Variants in ATP13A3 observed in about 807,000 individuals in gnomAD.
ATP13A3 encodes ATPase 13A3.
Under a neutral mutation model 158.1 loss-of-function variants are expected in ATP13A3, and 59 were observed. The ratio of observed to expected loss-of-function variants is 0.37; its 90% CI spans 0.30 to 0.46. The LOEUF (loss-of-function observed/expected upper bound fraction) is 0.46. Among genes scored for constraint, ATP13A3 ranks in the 20% least tolerant of loss-of-function variants. The pLI, the probability that ATP13A3 is intolerant of heterozygous loss-of-function variation, is 1.00. For missense variants in ATP13A3, 1,166 were observed against 1,525.2 expected (o/e 0.76, Z 3.92); for synonymous variants, 491 against 504.3 (o/e 0.97, Z 0.35).
intron 8 of ATP13A3, 34 bp downstream of exon 8, chr3:194,455,859 T>A: frequency 7.7e-7 from 1 of 1,292,740 alleles, no homozygotes; most frequent in Non-Finnish European, 1.1e-6. Flanking sequence ...CCATTGATCA[T>A]GACTGTTAAG....
Position 194,427,104 on chromosome 3 carries a change from A to C in ATP13A3, c.3096T>G (p.Pro1032=). The change falls in exon 29 of 34, where the codon CCT becomes CCG. Residue 1032 remains proline, a synonymous_variant. Coordinates refer to ENST00000645319, the MANE Select transcript of ATP13A3 (RefSeq NM_001367549.1). ...SLGFFWVKQQ[P]WYEVWHPKSD... ...ATTTTGGATGCCACACTTCATACCA[A>C]GGTTGCTGTTTGACCCAAAAAAAAC... 6.2e-7 allele frequency: 1 copy of C among 1,613,410 alleles called. No homozygotes were observed. Among genetic ancestry groups the C allele is most frequent in the Non-Finnish European group, 8.5e-7 (1 of 1,179,904 alleles).
chr3:194,461,074 C>T (rs921652051), intron 3 of ATP13A3, among the ~76,000 whole-genome samples: 2 of 152,090 alleles, frequency 1.3e-5, no homozygotes, highest in Non-Finnish European at 2.9e-5. Context: ...ATGCCTAATA[C>T]GTTCTTTCCC....
At chr3:194,449,891 T>A (rs13080513) in intron 11 of ATP13A3, among the ~76,000 whole-genome samples, 31,869 of 151,752 alleles carry the variant, frequency 0.21, 3,707 homozygotes, top group African/African-American at 0.31. Context: ...TTCCCTAACC[T>A]TAAACCATTT....
At chr3:194,466,825 A>C (rs1351696416) in intron 2 of ATP13A3, among the ~76,000 whole-genome samples, 1 of 152,220 alleles carries the variant, frequency 6.6e-6, no homozygotes, top group Non-Finnish European at 1.5e-5. Context: ...ATCACTAAAA[A>C]AATAAAAATA....
intron 31 of ATP13A3, among the ~76,000 whole-genome samples, chr3:194,418,122 T>C (rs901229897): frequency 6.6e-6 from 1 of 151,940 alleles, no homozygotes; most frequent in African/African-American, 2.4e-5. Context: ...CAATAAGCAA[T>C]TGCTGAAACA....
Position 194,428,870 on chromosome 3 carries a change from T to C in ATP13A3, c.2922A>G (p.Ala974=). Reference sequence around the variant, plus strand: ...TTGTAAATACCACTACCAAAATGATTGCCAGATCAATGAAGAGAAACTGGA... The same window carrying C: ...TTGTAAATACCACTACCAAAATGATCGCCAGATCAATGAAGAGAAACTGGA... The part of the protein sequence containing the change: ...GDFQFLFIDL[A]IILVVVFTMS... The change falls in exon 28 of 34, where the codon GCA becomes GCG. Residue 974 remains alanine (A), a synonymous_variant. Transcript: ENST00000645319. 1 of 1,598,878 alleles carries C rather than the reference T, an allele frequency of 6.3e-7. No individual in the cohort carries two copies. The highest frequency in any genetic ancestry group is 8.6e-7 in the Non-Finnish European group (1 of 1,168,520).
rs1382035471 is a variant in ATP13A3 at position 194,459,889 on chromosome 3, G to C, written c.308C>G (p.Ser103Cys). The C allele has an allele frequency of 4.3e-6, 7 of 1,613,198 alleles. No individual in the cohort carries two copies. The African/African-American group carries it at 9.3e-5, about 22-fold the overall frequency. ...TYPVSSPKSM[S>C]NKLSNGHAVC... ...TGCATGGCCATTTGAAAGCTTATTA[G>C]ACATAGATTTTGGACTTGAAACTGG... The change falls in exon 5 of 34, where the codon TCT becomes TGT. Residue 103 changes from serine to cysteine, a missense_variant. This residue lies in a region of ATP13A3 where 104 missense variants were observed against 91.7 expected (regional missense o/e 1.13). Coordinates refer to ENST00000645319, the MANE Select transcript of ATP13A3 (RefSeq NM_001367549.1).
At chr3:194,489,506 C>T (rs1721120984), upstream of ATP13A3, among the ~76,000 whole-genome samples, 1 of 152,106 alleles carries the variant, frequency 6.6e-6, no homozygotes, top group Non-Finnish European at 1.5e-5. The surrounding 1 kb of genome is among the most constrained non-coding windows in gnomAD (Gnocchi z 4.1). Context: ...AATTGTTAGA[C>T]AAATTCAGCC....
chr3:194,413,821 G>C lies in ATP13A3; in HGVS notation c.3421C>G (p.Gln1141Glu). The change falls in exon 32 of 34, where the codon CAG becomes GAG. Residue 1141 changes from glutamine to glutamate, a missense_variant. Transcript: ENST00000645319. ...ATGATGAGCATAGTTACACGCCACT[G>C]ATATGGTACACACACTATCTGTAAT... ...QVLQIVCVPY[Q>E]WRVTMLIIVL... 2.5e-6 allele frequency: 4 copies of C among 1,613,746 alleles called. No individual in the cohort carries two copies. The highest frequency in any genetic ancestry group is 3.4e-6 in the Non-Finnish European group (4 of 1,179,694).
rs1372555349 is a variant in ATP13A3, at chr3:194,404,164, C to T, written c.*1755G>A. 4.5e-6 allele frequency: 2 copies of T among 447,420 alleles called. No individual in the cohort carries two copies. Among genetic ancestry groups the T allele is most frequent in the Admixed American group, 2.5e-5 (1 of 39,280 alleles). The allele number at this position is 447,420 out of a possible 1,614,324, so 27.7% of individuals were successfully genotyped here. ...AACTATAGAAAATAGTGCTAATTCA[C>T]AGCTCAAGAGGTCTAAGATGCATAG... On this transcript the variant is annotated 3_prime_UTR_variant, in exon 34 of 34. Coordinates refer to ENST00000645319, the MANE Select transcript of ATP13A3 (RefSeq NM_001367549.1).
At chr3:194,475,431 A>G (rs1042095294) in intron 2 of ATP13A3, among the ~76,000 whole-genome samples, 13 of 152,206 alleles carry the variant, frequency 8.5e-5, no homozygotes, top group Admixed American at 8.5e-4. Flanking sequence ...AATCCTGCAA[A>G]TGTATAAATG....
At chr3:194,468,004 A>G (rs909407671) in intron 2 of ATP13A3, 2 of 152,152 alleles carry the variant, frequency 1.3e-5, no homozygotes, top group Non-Finnish European at 2.9e-5. Context: ...CATTCTTCCC[A>G]ATTCCTGATA....
intron 29 of ATP13A3, among the ~76,000 whole-genome samples, chr3:194,426,755 G>C (rs1014385420): frequency 1.3e-5 from 2 of 152,146 alleles, no homozygotes; most frequent in African/African-American, 4.8e-5. Flanking sequence ...CTGCCTCCCA[G>C]GTTCAAGTGA....
chr3:194,450,009 AT>A, intron 11 of ATP13A3, 135 bp downstream of exon 11: 1 of 939,418 alleles, frequency 1.1e-6, no homozygotes, highest in Non-Finnish European at 1.6e-6. Flanking sequence ...TCTACTCAGA[AT>A]TTTAAATCTC....
chr3:194,428,782 AT>A, intron 28 of ATP13A3, 62 bp downstream of exon 28: 1 of 1,253,550 alleles, frequency 8.0e-7, no homozygotes. Flanking sequence ...ATTTACAAAA[AT>A]TTAATAAGTC....
chr3:194,442,123 G>A (rs1303047170), intron 15 of ATP13A3, among the ~76,000 whole-genome samples: 1 of 152,184 alleles, frequency 6.6e-6, no homozygotes, highest in African/African-American at 2.4e-5. Context: ...AAACACAGGA[G>A]GTCAGTTAAA....
Position 194,430,085 on chromosome 3 carries a change from G to A in ATP13A3, c.2764C>T (p.Pro922Ser), listed in dbSNP as rs773710805. ...AATTTGTACTACCTGATAAGGTTTG[G>A]CACACAGGAAATACTAGGAGTCTTA... ...TSKTPSISCV[P>S]NLIREGRAAL... The change falls in exon 26 of 34, where the codon CCA (proline) becomes TCA (serine). Residue 922 changes from proline to serine, a missense_variant. By Grantham distance (74) the Pro-to-Ser change is moderately conservative (BLOSUM62 -1). This residue lies in a region of ATP13A3 where 997 missense variants were observed against 1,341.2 expected (regional missense o/e 0.74). Coordinates refer to ENST00000645319, the MANE Select transcript of ATP13A3 (RefSeq NM_001367549.1). The A allele has an allele frequency of 8.7e-6, 14 of 1,613,820 alleles. No individual in the cohort carries two copies. The highest frequency in any genetic ancestry group is 1.2e-5 in the Non-Finnish European group (14 of 1,179,784).
chr3:194,424,083 T>TA (rs1272937588), intron 30 of ATP13A3, among the ~76,000 whole-genome samples: 3 of 152,018 alleles, frequency 2.0e-5, no homozygotes, highest in Admixed American at 1.3e-4. Context: ...TTATCTGTAG[T>TA]AAAAAATCCT....
chr3:194,464,144 G>C (rs993938901), intron 2 of ATP13A3, among the ~76,000 whole-genome samples: 1 of 152,206 alleles, frequency 6.6e-6, no homozygotes, highest in African/African-American at 2.4e-5. Flanking sequence ...CTGGGCGACA[G>C]AGAAAGACTC....
Sources: allele counts gnomAD v4.1 joint callset (sites outside exome capture counted in the v4.1 genomes callset), GRCh38; gene constraint gnomAD v4.1.1; regional missense constraint gnomAD v4.1.1; non-coding constraint Gnocchi (gnomAD v3.1); transcripts MANE v1.5; gene names NCBI Gene and HGNC (gene_info 2026-07-23, HGNC 2026-07-21).